MTMR3: variants seen among roughly 807,000 people sequenced by gnomAD.
MTMR3 encodes the protein myotubularin related protein 3.
A neutral mutation model predicts 132.4 loss-of-function variants in MTMR3; 32 were observed. That is an observed-to-expected ratio of 0.24 (90% CI 0.18 to 0.32). MTMR3 has a LOEUF of 0.32. MTMR3 is among the 10% of genes least tolerant of loss of function. The pLI, the probability that MTMR3 is intolerant of heterozygous loss-of-function variation, is 1.00. For missense variants in MTMR3, 1,216 were observed against 1,489.6 expected (o/e 0.82, Z 3.02); for synonymous variants, 556 against 550.3 (o/e 1.01, Z -0.14).
intron 7 of MTMR3, chr22:29,996,271 C>G (rs2067058192): frequency 6.6e-6 from 1 of 152,210 alleles, no homozygotes; most frequent in Admixed American, 6.5e-5. Context: ...AACTCATTCC[C>G]ATTCCCAAAG....
intron 1 of MTMR3, among the ~76,000 whole-genome samples, chr22:29,944,867 A>G (rs895252959): frequency 2.0e-5 from 3 of 152,188 alleles, no homozygotes; most frequent in Non-Finnish European, 2.9e-5. Context: ...ATATTTGCTA[A>G]ATAGATATTT....
chr22:29,943,184 G>C (rs1267182849), intron 1 of MTMR3, among the ~76,000 whole-genome samples: 2 of 151,700 alleles, frequency 1.3e-5, no homozygotes, highest in Non-Finnish European at 2.9e-5. Flanking sequence ...AATGATGTGT[G>C]TATTTTTCTT....
chr22:29,997,638 G>A (rs1052538704), intron 7 of MTMR3: 1 of 152,210 alleles, frequency 6.6e-6, no homozygotes, highest in Non-Finnish European at 1.5e-5. Flanking sequence ...ATACCAGCTT[G>A]GGTGGCTGTT....
chr22:29,967,751 C>G (rs552790276), intron 2 of MTMR3, among the ~76,000 whole-genome samples: 82 of 152,228 alleles, frequency 5.4e-4, no homozygotes, highest in African/African-American at 2.0e-3. Context: ...AATCTACTTT[C>G]TGTCTCTGTG....
intron 1 of MTMR3, among the ~76,000 whole-genome samples, chr22:29,931,686 T>C (rs1423816144): frequency 1.3e-5 from 2 of 152,130 alleles, no homozygotes; most frequent in East Asian, 3.8e-4. Flanking sequence ...GTGTTGGGAT[T>C]ACAGGCATGA....
chr22:29,947,164 T>G (rs565326748), intron 1 of MTMR3, among the ~76,000 whole-genome samples: 1 of 152,296 alleles, frequency 6.6e-6, no homozygotes, highest in East Asian at 1.9e-4. Flanking sequence ...ACCAGAGAGC[T>G]TGGATAAACA....
Position 29,972,935 on chromosome 22 carries a change from ATAAT to A in MTMR3, c.3+1877_3+1880del, listed in dbSNP as rs368354103. Among the ~76,000 whole-genome samples the A allele has an allele frequency of 1.3e-3, 195 of 152,350 alleles. 1 individual carries two copies. The South Asian group carries it at 0.029, about 23-fold the overall frequency. On this transcript the variant is annotated intron_variant, in intron 3 of 19. Transcript: ENST00000401950. ...TGTTTTATATAGTTAGAATGATAAAATAATTAAGTTTCTATTTTGCTTATTTCAC... is the reference window on the plus strand; with the variant it reads ...TGTTTTATATAGTTAGAATGATAAAATAAGTTTCTATTTTGCTTATTTCAC...
rs909478516 is a variant in MTMR3 at position 30,018,139 on chromosome 22, C to G, written c.1820+67C>G. 3 of 1,462,092 alleles carry G rather than the reference C, an allele frequency of 2.1e-6. No individual in the cohort carries two copies. The African/African-American group carries it at 4.3e-5, about 21-fold the overall frequency. 90.6% of individuals were successfully genotyped at this position (1,462,092 alleles called of 1,614,324 possible). Reference sequence around the variant, plus strand: ...GTGTATTCCTGTGTTGGGACGTGTGCAGGGATGGTCAGAGATCATGATGGT... The same window carrying G: ...GTGTATTCCTGTGTTGGGACGTGTGGAGGGATGGTCAGAGATCATGATGGT... On this transcript the variant is annotated intron_variant, in intron 16 of 19. Transcript: ENST00000401950.
chr22:29,992,957 G>A (rs1244659691), intron 7 of MTMR3: 1 of 152,198 alleles, frequency 6.6e-6, no homozygotes, highest in Non-Finnish European at 1.5e-5. Flanking sequence ...CCAAAGAAAT[G>A]GAGGCTCAGA....
At chr22:29,899,172 G>A (rs1368435100) in intron 1 of MTMR3, among the ~76,000 whole-genome samples, 4 of 152,118 alleles carry the variant, frequency 2.6e-5, no homozygotes, top group African/African-American at 9.7e-5. Context: ...TGCATTCATG[G>A]AGATGACACT....
intron 1 of MTMR3, among the ~76,000 whole-genome samples, chr22:29,897,747 G>C (rs1289013056): frequency 6.6e-6 from 1 of 152,078 alleles, no homozygotes; most frequent in African/African-American, 2.4e-5. Flanking sequence ...ACTGTGCCTG[G>C]CCTGTATTTG....
chr22:29,937,573 C>T (rs988977506), intron 1 of MTMR3, among the ~76,000 whole-genome samples: 1 of 152,074 alleles, frequency 6.6e-6, no homozygotes, highest in Non-Finnish European at 1.5e-5. Flanking sequence ...ACAGGTGCCG[C>T]CGCACCCAAA....
In MTMR3 at chr22:30,020,762, G is replaced by C. The variant is rs2067723889; in HGVS notation, c.3103G>C (p.Glu1035Gln). 6.2e-7 allele frequency: 1 copy of C among 1,614,098 alleles called. No individual in the cohort carries two copies. The highest frequency in any genetic ancestry group is 1.1e-5 in the South Asian group (1 of 91,082). The change falls in exon 17 of 20, where the codon GAG becomes CAG. Residue 1035 changes from glutamate (E) to glutamine (Q), a missense_variant. Around this residue, in one of 7 missense-constraint regions of MTMR3, gnomAD observed 852 missense variants for 852.0 expected, o/e 1.00. Transcript: ENST00000401950. The stretch of plus-strand genomic sequence containing the variant: ...GATCCAACAGCGCCTGCGTCAGATT[G>C]AGTCAGGCCACCAGCAGGAAGTAGA... ...DTIQQRLRQI[E>Q]SGHQQEVETL...
At chr22:29,918,766 C>A (rs2065355046) in intron 1 of MTMR3, among the ~76,000 whole-genome samples, 1 of 152,162 alleles carries the variant, frequency 6.6e-6, no homozygotes, top group Admixed American at 6.5e-5. Context: ...TGTCTCATAT[C>A]ATTTCATATG....
chr22:29,978,809 A>G, intron 4 of MTMR3, 127 bp from the exon 5 acceptor site: 1 of 737,096 alleles, frequency 1.4e-6, no homozygotes, highest in Non-Finnish European at 2.3e-6. Flanking sequence ...TAGCTTCCTT[A>G]TCTACTTATG....
rs560163820 is a variant in MTMR3 at position 30,012,832 on chromosome 22, A to G, written c.1317+269A>G. The G allele has an allele frequency of 1.2e-3, 368 of 312,898 alleles. 1 individual carries two copies. Among genetic ancestry groups the G allele is most frequent in the Non-Finnish European group, 1.9e-3 (330 of 172,690 alleles). The allele number at this position is 312,898 out of a possible 1,614,324, so 19.4% of individuals were successfully genotyped here. A position where few individuals can be genotyped will look rare whatever the true frequency, so the allele number is the denominator to read the frequency against. ...TATCTACTTGTAAAAGTTTTTAGCT[A>G]CCTCAGGAAAATAAGGAGTCTGTAA... On this transcript the variant is annotated intron_variant, in intron 13 of 19. Transcript: ENST00000401950.
chr22:29,944,629 G>T (rs966198289), intron 1 of MTMR3, among the ~76,000 whole-genome samples: 1 of 152,122 alleles, frequency 6.6e-6, no homozygotes, highest in Admixed American at 6.5e-5. Context: ...ATTAGGTGCT[G>T]TTCTTTTTCT....
chr22:29,954,255 A>C (rs550897710), intron 1 of MTMR3, among the ~76,000 whole-genome samples: 26 of 151,338 alleles, frequency 1.7e-4, no homozygotes, highest in Non-Finnish European at 3.4e-4. Context: ...CTAATTAAAA[A>C]ATTTTATTTT....
At chr22:29,980,283 T>TTAA (rs2066714831) in intron 5 of MTMR3, 1 of 152,202 alleles carries the variant, frequency 6.6e-6, no homozygotes, top group African/African-American at 2.4e-5. Context: ...AGCATTTATG[T>TTAA]CCAGGAGCAG....
Sources: gnomAD v4.1 joint callset for allele counts (sites outside exome capture counted in the v4.1 genomes callset) on GRCh38, gnomAD v4.1.1 for gene constraint, gnomAD v4.1.1 regional missense constraint, MANE v1.5 for transcripts, NCBI Gene and HGNC (gene_info 2026-07-23, HGNC 2026-07-21) for gene names.